LRP2: variants seen among roughly 807,000 people sequenced by gnomAD.
The protein encoded by LRP2 is low-density lipoprotein receptor-related protein 2.
In LRP2, 172 loss-of-function variants were observed where a neutral mutation model predicts 531.0. That is an observed-to-expected ratio of 0.32 (90% CI 0.29 to 0.37). The LOEUF (loss-of-function observed/expected upper bound fraction) is 0.37, where lower values mean the gene tolerates loss of function less well. Ranked by LOEUF, LRP2 falls within the 10% of genes least tolerant of loss-of-function variation. LRP2 has a pLI of 1.00. For synonymous variants in LRP2, 1,992 were observed against 2,027.6 expected (o/e 0.98, Z 0.47); for missense variants, 5,167 against 5,868.3 (o/e 0.88, Z 3.90).
Position 169,228,465 on chromosome 2 carries a change from T to C in LRP2, c.5228-1877A>G, listed in dbSNP as rs184567072. Among the ~76,000 whole-genome samples, 3 of 152,296 alleles carry C rather than the reference T, an allele frequency of 2.0e-5. No individual in the cohort carries two copies. The East Asian group carries it at 5.8e-4, about 29-fold the overall frequency. ...CCAGTTTTATGGGGGACTTTAAATT[T>C]TTACTCACTTACGTAAGATCTGATC... On this transcript the variant is annotated intron_variant, in intron 31 of 78. Coordinates refer to ENST00000649046, the MANE Select transcript of LRP2 (RefSeq NM_004525.3).
intron 70 of LRP2, 82 bp downstream of exon 70, chr2:169,145,665 C>T: frequency 7.4e-7 from 1 of 1,347,468 alleles, no homozygotes. Context: ...TTATCTACTG[C>T]CATCTTCCAG....
intron 29 of LRP2, among the ~76,000 whole-genome samples, chr2:169,234,319 C>A (rs1689522978): frequency 1.3e-5 from 2 of 152,106 alleles, no homozygotes; most frequent in East Asian, 3.9e-4. Flanking sequence ...CTGACAGGCC[C>A]CGGTGTGTGA....
At chr2:169,142,912 C>T (rs900437656) in intron 70 of LRP2, 119 bp from the exon 71 acceptor site, 6 of 1,071,472 alleles carry the variant, frequency 5.6e-6, no homozygotes, top group South Asian at 3.8e-5. Flanking sequence ...CAATACCTCT[C>T]GTCCACGTGT....
chr2:169,295,668 G>A (rs540227360), intron 4 of LRP2, among the ~76,000 whole-genome samples: 34 of 152,130 alleles, frequency 2.2e-4, no homozygotes, highest in African/African-American at 8.2e-4. Flanking sequence ...ACAGGGGTGG[G>A]ACATTTCTCA....
At chr2:169,180,544 G>GC (rs1687389499) in intron 52 of LRP2, among the ~76,000 whole-genome samples, 1 of 152,242 alleles carries the variant, frequency 6.6e-6, no homozygotes, top group South Asian at 2.1e-4. Flanking sequence ...AAGAGCACTG[G>GC]CGTGTGTGCC....
chr2:169,217,350 C>T (rs1015240392), intron 34 of LRP2, among the ~76,000 whole-genome samples: 5 of 152,072 alleles, frequency 3.3e-5, no homozygotes, highest in Non-Finnish European at 7.4e-5. Context: ...TAAACTTCTC[C>T]GCCTCTAAGT....
intron 16 of LRP2, among the ~76,000 whole-genome samples, chr2:169,261,799 C>A (rs1006374175): frequency 2.6e-5 from 4 of 152,040 alleles, no homozygotes; most frequent in Non-Finnish European, 2.9e-5. Context: ...CAAAACAGAG[C>A]ATTTTAGACC....
chr2:169,317,990 T>C (rs570762306), intron 3 of LRP2, among the ~76,000 whole-genome samples: 2 of 151,946 alleles, frequency 1.3e-5, no homozygotes, highest in Admixed American at 1.3e-4. Flanking sequence ...AGCAGGAGGA[T>C]TACCTGAGCC....
At chr2:169,219,853 C>T (rs914227102) in intron 34 of LRP2, among the ~76,000 whole-genome samples, 1 of 152,130 alleles carries the variant, frequency 6.6e-6, no homozygotes, top group African/African-American at 2.4e-5. Context: ...CCTTATCACT[C>T]AAAAGAATAA....
intron 45 of LRP2, 28 bp from the exon 46 acceptor site, chr2:169,197,058 A>G (rs756029037): frequency 5.6e-6 from 9 of 1,612,228 alleles, no homozygotes; most frequent in Non-Finnish European, 7.6e-6. Context: ...GATAAAACCC[A>G]TGAGCAAAAC....
chr2:169,220,085 C>T (rs527650480), intron 34 of LRP2, among the ~76,000 whole-genome samples: 1 of 152,160 alleles, frequency 6.6e-6, no homozygotes, highest in Non-Finnish European at 1.5e-5. Context: ...TACTAGAAGG[C>T]TTCTCATCCT....
chr2:169,294,023 G>C lies in LRP2; in HGVS notation c.652+125C>G, dbSNP rs886455132. 5 of 723,262 alleles carry C rather than the reference G, an allele frequency of 6.9e-6. No individual in the cohort carries two copies. The African/African-American group carries it at 8.7e-5, about 13-fold the overall frequency. 44.8% of individuals were successfully genotyped at this position (723,262 alleles called of 1,614,324 possible). Reference sequence around the variant, plus strand: ...CGTCTGATTCCATCTGCCATCAAACGTAGTGACTCTTCTCCTTGAAAAAAG... The same window carrying C: ...CGTCTGATTCCATCTGCCATCAAACCTAGTGACTCTTCTCCTTGAAAAAAG... On this transcript the variant is annotated intron_variant, in intron 6 of 78. Transcript: ENST00000649046.
At chr2:169,137,360 T>C (rs1419967957) in intron 76 of LRP2, 32 bp downstream of exon 76, 3 of 1,392,880 alleles carry the variant, frequency 2.2e-6, no homozygotes. Context: ...GCGACAGCAG[T>C]AACTGAAAGA....
intron 1 of LRP2, among the ~76,000 whole-genome samples, chr2:169,322,237 AT>A (rs1018191867): frequency 7.9e-5 from 12 of 152,252 alleles, no homozygotes; most frequent in Admixed American, 2.0e-4. Flanking sequence ...AAATGCAGGC[AT>A]ATCAACAGCA....
chr2:169,192,329 C>T (rs1411845658), intron 47 of LRP2, among the ~76,000 whole-genome samples: 1 of 152,048 alleles, frequency 6.6e-6, no homozygotes, highest in Non-Finnish European at 1.5e-5. Context: ...TTCAGAAAAC[C>T]ACTACCATTT....
chr2:169,334,502 T>C (rs933092564), intron 1 of LRP2, among the ~76,000 whole-genome samples: 1 of 152,188 alleles, frequency 6.6e-6, no homozygotes, highest in African/African-American at 2.4e-5. Flanking sequence ...ATGCAGAACA[T>C]GGATCCATAG....
chr2:169,340,154 C>T (rs1324163689), intron 1 of LRP2, among the ~76,000 whole-genome samples: 2 of 152,060 alleles, frequency 1.3e-5, no homozygotes, highest in Admixed American at 6.6e-5. Context: ...ACCATTGTTC[C>T]CCTATTCTCT....
chr2:169,130,288 CT>C lies in LRP2; in HGVS notation c.13729-1205del, dbSNP rs796975261. On this transcript the variant is annotated intron_variant, in intron 77 of 78. Transcript: ENST00000649046. ...CTTTTGGAAAATGATAGAACTGAAT[CT>C]TTTTTTTTTTTTTTTTGAGATGAAG... Among the ~76,000 whole-genome samples the C allele has an allele frequency of 3.6e-3, 503 of 138,764 alleles. 1 individual carries two copies. The highest frequency in any genetic ancestry group is 0.011 in the South Asian group (46 of 4,294). The allele number at this position is 138,764 out of a possible 152,430, so 91.0% of individuals were successfully genotyped here. A position where few individuals can be genotyped will look rare whatever the true frequency, so the allele number is the denominator to read the frequency against.
intron 46 of LRP2, among the ~76,000 whole-genome samples, chr2:169,196,063 A>G (rs1290753254): frequency 1.3e-5 from 2 of 152,224 alleles, no homozygotes; most frequent in African/African-American, 2.4e-5. Flanking sequence ...GGAATATTAT[A>G]GTCATTAAAA....
Sources: allele counts gnomAD v4.1 joint callset (sites outside exome capture counted in the v4.1 genomes callset), GRCh38; gene constraint gnomAD v4.1.1; transcripts MANE v1.5; gene names NCBI Gene and HGNC (gene_info 2026-07-23, HGNC 2026-07-21).